CAMK4: variants seen among roughly 807,000 people sequenced by gnomAD.
CAMK4 encodes the protein calcium/calmodulin-dependent protein kinase type IV.
CAMK4 carries 22 observed loss-of-function variants against 44.9 expected under a neutral mutation model. That is an observed-to-expected ratio of 0.49 (90% CI 0.35 to 0.70). CAMK4 has a LOEUF of 0.70. Among genes scored for constraint, CAMK4 ranks in the 30% least tolerant of loss-of-function variants. The pLI is 0.01. For missense variants in CAMK4, 498 were observed against 586.8 expected (o/e 0.85, Z 1.56); for synonymous variants, 218 against 215.4 (o/e 1.01, Z -0.11).
intron 1 of CAMK4, among the ~76,000 whole-genome samples, chr5:111,261,957 C>A (rs897544439): frequency 6.6e-6 from 1 of 152,160 alleles, no homozygotes; most frequent in South Asian, 2.1e-4. Context: ...TTGGGGTACA[C>A]AGCCTGGGAT....
intron 5 of CAMK4, among the ~76,000 whole-genome samples, chr5:111,405,195 T>C (rs946629729): frequency 6.6e-6 from 1 of 152,114 alleles, no homozygotes; most frequent in Admixed American, 6.5e-5. Flanking sequence ...TTTGGCTGGG[T>C]GTGGTGGCTC....
Position 111,294,671 on chromosome 5 carries a change from T to C in CAMK4, c.162-49353T>C, listed in dbSNP as rs535270912. Among the ~76,000 whole-genome samples the C allele has an allele frequency of 2.7e-5, 4 of 150,792 alleles. No individual in the cohort carries two copies. The South Asian group carries it at 8.4e-4, about 31-fold the overall frequency. On this transcript the variant is annotated intron_variant, in intron 1 of 10. Transcript: ENST00000282356. ...TATTCTGTTTCAAATGTTGCTTATT[T>C]CTATTTTTTTTTTTTTTGAGAAAAT...
chr5:111,324,691 T>G (rs545174738), intron 1 of CAMK4, among the ~76,000 whole-genome samples: 13 of 152,066 alleles, frequency 8.5e-5, no homozygotes, highest in Non-Finnish European at 1.6e-4. Flanking sequence ...ACCAATCACC[T>G]TGACTTAATT....
intron 2 of CAMK4, chr5:111,358,085 G>A (rs976595668): frequency 1.3e-5 from 2 of 152,090 alleles, no homozygotes; most frequent in Non-Finnish European, 2.9e-5. Context: ...GGATGATTAA[G>A]CCTTTATTGA....
intron 1 of CAMK4, among the ~76,000 whole-genome samples, chr5:111,286,411 A>G (rs1751242440): frequency 6.6e-6 from 1 of 152,222 alleles, no homozygotes; most frequent in Non-Finnish European, 1.5e-5. Context: ...AACACTAAAT[A>G]TGAAATTAAA....
At chr5:111,408,641 A>G (rs959955862) in intron 5 of CAMK4, among the ~76,000 whole-genome samples, 1 of 152,098 alleles carries the variant, frequency 6.6e-6, no homozygotes, top group African/African-American at 2.4e-5. Context: ...CAAAGTCTTA[A>G]CTCATTTCAG....
intron 7 of CAMK4, among the ~76,000 whole-genome samples, chr5:111,467,965 C>T (rs1754906192): frequency 6.6e-6 from 1 of 150,450 alleles, no homozygotes; most frequent in East Asian, 1.9e-4. Context: ...CACACACACA[C>T]ACACACCATG....
At chr5:111,355,014 G>A (rs1750275801) in intron 2 of CAMK4, among the ~76,000 whole-genome samples, 1 of 152,118 alleles carries the variant, frequency 6.6e-6, no homozygotes, top group African/African-American at 2.4e-5. Flanking sequence ...ATTGTATGCT[G>A]CTATTGGCCA....
At chr5:111,248,631 G>A (rs896493372) in intron 1 of CAMK4, among the ~76,000 whole-genome samples, 1 of 151,928 alleles carries the variant, frequency 6.6e-6, no homozygotes, top group Non-Finnish European at 1.5e-5. Flanking sequence ...AGTGCTGCTT[G>A]GTATATGTTG....
intron 1 of CAMK4, chr5:111,302,433 G>A (rs997135342): frequency 1.3e-4 from 20 of 148,408 alleles, no homozygotes; most frequent in African/African-American, 4.4e-4. Context: ...CCTCACCTGG[G>A]AAGCGCAAGG....
chr5:111,457,359 C>T (rs911337593), intron 7 of CAMK4, among the ~76,000 whole-genome samples: 1 of 152,096 alleles, frequency 6.6e-6, no homozygotes, highest in African/African-American at 2.4e-5. Context: ...TCAAGCAGAC[C>T]TTACATTTGA....
chr5:111,381,500 T>C (rs984465112), intron 4 of CAMK4, among the ~76,000 whole-genome samples: 6 of 152,136 alleles, frequency 3.9e-5, no homozygotes, highest in African/African-American at 1.4e-4. Flanking sequence ...AGGAGAAAGA[T>C]GGAGACCAGA....
At chr5:111,295,946 T>C (rs975549578) in intron 1 of CAMK4, among the ~76,000 whole-genome samples, 1 of 152,248 alleles carries the variant, frequency 6.6e-6, no homozygotes, top group African/African-American at 2.4e-5. Flanking sequence ...TAGTTGAACA[T>C]AGTGAACTTC....
At chr5:111,323,036 A>T (rs762850010) in intron 1 of CAMK4, among the ~76,000 whole-genome samples, 2 of 152,140 alleles carry the variant, frequency 1.3e-5, no homozygotes, top group Non-Finnish European at 2.9e-5. Context: ...CATAAATGGA[A>T]TATATGTCTC....
At chr5:111,418,375 G>A (rs1752888968) in intron 5 of CAMK4, among the ~76,000 whole-genome samples, 1 of 152,016 alleles carries the variant, frequency 6.6e-6, no homozygotes, top group African/African-American at 2.4e-5. Flanking sequence ...CACAGGATGG[G>A]GTGAAATTAA....
chr5:111,436,028 A>G (rs1482685299), intron 5 of CAMK4, among the ~76,000 whole-genome samples: 2 of 152,154 alleles, frequency 1.3e-5, no homozygotes, highest in African/African-American at 4.8e-5. Context: ...TTATATCTAG[A>G]CACCTAGCTT....
rs747839230 is a variant in CAMK4 at position 111,224,439 on chromosome 5, AGCGGCGGCG to A, written c.-30_-22del. On this transcript the variant is annotated 5_prime_UTR_variant, in exon 1 of 11. Coordinates refer to ENST00000282356, the MANE Select transcript of CAMK4 (RefSeq NM_001744.6). This position sits in a 1 kb window ranked among gnomAD's most constrained non-coding sequence, Gnocchi z 5.7. ...CTGGCGGCCGGCTTCTCGCTCGGGC[AGCGGCGGCG>A]GCGGCGGCGGCGGCTTCCGGAGTCC... The A allele has an allele frequency of 4.7e-4, 716 of 1,536,272 alleles. 1 individual carries two copies. In the African/African-American group the frequency reaches 5.0e-3, roughly 11 times the overall value.
chr5:111,433,999 C>T (rs1420973353), intron 5 of CAMK4, among the ~76,000 whole-genome samples: 7 of 152,060 alleles, frequency 4.6e-5, no homozygotes, highest in Non-Finnish European at 8.8e-5. Context: ...GCTTAAAAGA[C>T]AAATGTAATA....
At chr5:111,418,445 A>ATTT (rs34910011) in intron 5 of CAMK4, among the ~76,000 whole-genome samples, 1 of 150,214 alleles carries the variant, frequency 6.7e-6, no homozygotes. Flanking sequence ...GGAGACAGGG[A>ATTT]TTTTTTTTTT....
Sources: gnomAD v4.1 joint callset for allele counts (sites outside exome capture counted in the v4.1 genomes callset) on GRCh38, gnomAD v4.1.1 for gene constraint, Gnocchi (gnomAD v3.1) non-coding constraint, MANE v1.5 for transcripts, NCBI Gene and HGNC (gene_info 2026-07-23, HGNC 2026-07-21) for gene names.